The following ANKDD1B variants were observed in gnomAD, a reference collection of about 807,000 sequenced individuals.
ANKDD1B encodes ankyrin repeat and death domain-containing protein 1B.
In ANKDD1B, 57 loss-of-function variants were observed where a neutral mutation model predicts 59.7. The ratio of observed to expected loss-of-function variants is 0.95; its 90% CI spans 0.77 to 1.19. The LOEUF (loss-of-function observed/expected upper bound fraction) is 1.19, where lower values mean the gene tolerates loss of function less well. Among genes scored for constraint, ANKDD1B ranks in the 50% most tolerant of loss-of-function variants. The pLI is 0.00. For synonymous variants in ANKDD1B, 216 were observed against 239.5 expected (o/e 0.90, Z 0.91); for missense variants, 602 against 641.9 (o/e 0.94, Z 0.67).
chr5:75,634,824 C>T (rs1171928149), intron 5 of ANKDD1B, 74 bp from the exon 6 acceptor site: 10 of 945,882 alleles, frequency 1.1e-5, no homozygotes, highest in Admixed American at 4.2e-5. Flanking sequence ...CTTGAAATGT[C>T]GCTAGCTTTG....
chr5:75,616,233 G>A (rs1183285384), intron 1 of ANKDD1B, among the ~76,000 whole-genome samples: 1 of 152,180 alleles, frequency 6.6e-6, no homozygotes, highest in Non-Finnish European at 1.5e-5. Context: ...ATATGAATGT[G>A]TATATGTGTG....
At chr5:75,669,693 A>C (rs1271410700) in intron 13 of ANKDD1B, among the ~76,000 whole-genome samples, 3 of 152,204 alleles carry the variant, frequency 2.0e-5, no homozygotes, top group Admixed American at 6.5e-5. Context: ...CAGAAGTGCT[A>C]AACTATCCCA....
At chr5:75,650,270 A>C (rs1191103018) in intron 7 of ANKDD1B, among the ~76,000 whole-genome samples, 1 of 152,236 alleles carries the variant, frequency 6.6e-6, no homozygotes, top group African/African-American at 2.4e-5. Flanking sequence ...CAATGTAATC[A>C]TAAGGATCCT....
intron 7 of ANKDD1B, among the ~76,000 whole-genome samples, chr5:75,637,255 AAAAAAAAAAAAAAAAAAAG>A (rs993342808): frequency 1.8e-5 from 1 of 55,116 alleles, no homozygotes; most frequent in African/African-American, 3.6e-5. Context: ...AAAAAAAAAA[AAAAAAAAAAAAAAAAAAAG>A]AAAGAAAAAA....
chr5:75,668,997 A>G lies in ANKDD1B; in HGVS notation c.1394-255A>G, dbSNP rs550355265. On this transcript the variant is annotated intron_variant, in intron 12 of 13. Coordinates refer to ENST00000601380, the MANE Select transcript of ANKDD1B (RefSeq NM_001276713.2). Reference sequence around the variant, plus strand: ...TTCATTAAAATTGTTCCCCCTGGGCAGGCACCACAGCTGTCCTCTCTCTTG... The same window carrying G: ...TTCATTAAAATTGTTCCCCCTGGGCGGGCACCACAGCTGTCCTCTCTCTTG... Among the ~76,000 whole-genome samples, 5 of 152,356 alleles carry G rather than the reference A, an allele frequency of 3.3e-5. No individual in the cohort carries two copies. The East Asian group carries it at 9.6e-4, about 29-fold the overall frequency.
intron 3 of ANKDD1B, among the ~76,000 whole-genome samples, 161 bp downstream of exon 3, chr5:75,620,574 T>G (rs983471538): frequency 6.6e-6 from 1 of 152,244 alleles, no homozygotes; most frequent in African/African-American, 2.4e-5. Flanking sequence ...ATATATGTGC[T>G]CTTTGAATTT....
chr5:75,645,666 A>C (rs1201628310), intron 7 of ANKDD1B, among the ~76,000 whole-genome samples: 1 of 22,146 alleles, frequency 4.5e-5, no homozygotes, highest in African/African-American at 4.8e-4. Flanking sequence ...ATTCTACCAG[A>C]GGTACAATGA....
chr5:75,616,683 T>G (rs1297561077), intron 1 of ANKDD1B, 121 bp from the exon 2 acceptor site: 2 of 506,082 alleles, frequency 4.0e-6, no homozygotes, highest in African/African-American at 3.8e-5. Context: ...TCCCATGTCT[T>G]AAATAAAACA....
intron 9 of ANKDD1B, among the ~76,000 whole-genome samples, chr5:75,657,974 G>T (rs922884191): frequency 6.6e-6 from 1 of 151,954 alleles, no homozygotes; most frequent in African/African-American, 2.4e-5. Context: ...CACTTTGGGT[G>T]GCCAAGATAG....
chr5:75,663,960 AC>A (rs780840216), intron 11 of ANKDD1B, among the ~76,000 whole-genome samples: 7 of 152,334 alleles, frequency 4.6e-5, no homozygotes, highest in Admixed American at 3.3e-4. Context: ...ACACAAAAAA[AC>A]TTGTCTGTAA....
At chr5:75,634,780 C>T (rs553346678) in intron 5 of ANKDD1B, 118 bp from the exon 6 acceptor site, 32 of 636,462 alleles carry the variant, frequency 5.0e-5, no homozygotes, top group Non-Finnish European at 7.6e-5. Context: ...CATCTTCCTC[C>T]CTGAAGAAGG....
intron 6 of ANKDD1B, 70 bp downstream of exon 6, chr5:75,635,066 C>A: frequency 1.0e-6 from 1 of 1,004,676 alleles, no homozygotes; most frequent in Non-Finnish European, 1.5e-6. Flanking sequence ...AGAGGGGTAA[C>A]AATTGGCATG....
intron 7 of ANKDD1B, among the ~76,000 whole-genome samples, chr5:75,642,395 G>C (rs1423899557): frequency 6.7e-6 from 1 of 149,438 alleles, no homozygotes; most frequent in African/African-American, 2.5e-5. Context: ...TGCGCGCACC[G>C]TGCGCGAGCC....
intron 3 of ANKDD1B, among the ~76,000 whole-genome samples, chr5:75,621,832 A>G (rs897537347): frequency 4.6e-5 from 7 of 152,198 alleles, no homozygotes; most frequent in Non-Finnish European, 7.3e-5. Context: ...CTAAACATCT[A>G]TTTGTATTAC....
intron 1 of ANKDD1B, among the ~76,000 whole-genome samples, chr5:75,612,320 C>A (rs1393299682): frequency 5.6e-5 from 2 of 35,830 alleles, no homozygotes; most frequent in South Asian, 1.5e-3. Flanking sequence ...CTGCCCCCGC[C>A]CCCCCCCGCC....
chr5:75,638,277 T>C (rs1038586627), intron 7 of ANKDD1B, among the ~76,000 whole-genome samples: 2 of 152,206 alleles, frequency 1.3e-5, no homozygotes, highest in Non-Finnish European at 2.9e-5. Flanking sequence ...GGAAAACTCA[T>C]AAAGCCCAGG....
intron 5 of ANKDD1B, among the ~76,000 whole-genome samples, chr5:75,629,093 A>C (rs1774072813): frequency 1.3e-5 from 2 of 152,094 alleles, no homozygotes; most frequent in Admixed American, 6.5e-5. Context: ...CTGGGAGGGA[A>C]GGGGATAGTG....
At chr5:75,649,752 G>C (rs80317456) in intron 7 of ANKDD1B, among the ~76,000 whole-genome samples, 3,118 of 152,254 alleles carry the variant, frequency 0.02, 116 homozygotes, top group African/African-American at 0.07. Flanking sequence ...GCTATTTTAT[G>C]TCTTGCTGTA....
intron 9 of ANKDD1B, among the ~76,000 whole-genome samples, chr5:75,656,774 T>G (rs1430568127): frequency 1.3e-5 from 2 of 152,212 alleles, no homozygotes; most frequent in Non-Finnish European, 2.9e-5. Context: ...GAGGAGCCTT[T>G]CCAGGGTCCC....
Sources: allele counts gnomAD v4.1 joint callset (sites outside exome capture counted in the v4.1 genomes callset), GRCh38; gene constraint gnomAD v4.1.1; transcripts MANE v1.5; gene names NCBI Gene and HGNC (gene_info 2026-07-23, HGNC 2026-07-21).